CACNG2: variants seen among roughly 807,000 people sequenced by gnomAD.
The protein encoded by CACNG2 is calcium voltage-gated channel auxiliary subunit gamma 2.
CACNG2 carries 3 observed loss-of-function variants against 25.9 expected under a neutral mutation model. That is an observed-to-expected ratio of 0.12 (90% CI 0.05 to 0.30). The LOEUF (loss-of-function observed/expected upper bound fraction) is 0.30. Ranked by LOEUF, CACNG2 falls within the 10% of genes least tolerant of loss-of-function variation. The pLI is 1.00. For missense variants in CACNG2, 341 were observed against 432.5 expected (o/e 0.79, Z 1.88); for synonymous variants, 167 against 173.3 (o/e 0.96, Z 0.29).
intron 1 of CACNG2, among the ~76,000 whole-genome samples, chr22:36,667,165 T>C (rs1198915564): frequency 6.6e-6 from 1 of 152,124 alleles, no homozygotes; most frequent in Non-Finnish European, 1.5e-5. Flanking sequence ...AAGACGGGGT[T>C]TCACCATGTT....
chr22:36,577,999 C>T (rs1320777503), intron 2 of CACNG2, among the ~76,000 whole-genome samples: 1 of 150,326 alleles, frequency 6.7e-6, no homozygotes, highest in Non-Finnish European at 1.5e-5. Context: ...TGGGGCAGGT[C>T]ATTTTCCCTC....
chr22:36,678,930 A>G (rs2145999387), intron 1 of CACNG2, among the ~76,000 whole-genome samples: 1 of 152,216 alleles, frequency 6.6e-6, no homozygotes, highest in African/African-American at 2.4e-5. Flanking sequence ...GGTTTGTGTC[A>G]TTGCTGGAAT....
intron 1 of CACNG2, among the ~76,000 whole-genome samples, chr22:36,679,190 C>CT (rs1203766750): frequency 0.01 from 763 of 73,598 alleles, 15 homozygotes; most frequent in African/African-American, 0.028. Flanking sequence ...TCCTTCCTTC[C>CT]TTCCTTCCTT....
At chr22:36,683,711 T>G (rs1055801951) in intron 1 of CACNG2, among the ~76,000 whole-genome samples, 1 of 152,140 alleles carries the variant, frequency 6.6e-6, no homozygotes, top group African/African-American at 2.4e-5. Context: ...TCCCTGCTGG[T>G]TGACAGGGAG....
At chr22:36,618,912 T>TCC (rs71193248) in intron 1 of CACNG2, among the ~76,000 whole-genome samples, 1 of 125,400 alleles carries the variant, frequency 8.0e-6, no homozygotes, top group South Asian at 2.6e-4. Flanking sequence ...AGAGCGAGAC[T>TCC]GTTTCAAAAA....
At chr22:36,695,907 A>G (rs1399378957) in intron 1 of CACNG2, among the ~76,000 whole-genome samples, 1 of 152,152 alleles carries the variant, frequency 6.6e-6, no homozygotes, top group East Asian at 1.9e-4. Context: ...GAAAGATTTC[A>G]CCAATAAAAT....
intron 1 of CACNG2, among the ~76,000 whole-genome samples, chr22:36,638,494 G>GTC (rs1195440075): frequency 6.6e-6 from 1 of 152,106 alleles, no homozygotes; most frequent in African/African-American, 2.4e-5. Flanking sequence ...GTCTTGCACT[G>GTC]GTGCCTTTGC....
chr22:36,663,706 C>T (rs974668692), intron 1 of CACNG2, among the ~76,000 whole-genome samples: 4 of 152,160 alleles, frequency 2.6e-5, no homozygotes, highest in South Asian at 2.1e-4. Flanking sequence ...CATCCCTGGG[C>T]GCCTCAGATG....
intron 1 of CACNG2, among the ~76,000 whole-genome samples, chr22:36,597,336 C>T (rs1161154807): frequency 6.6e-6 from 1 of 151,896 alleles, no homozygotes; most frequent in Non-Finnish European, 1.5e-5. Flanking sequence ...TTTAGTTCTT[C>T]ACATGTGATT....
intron 1 of CACNG2, among the ~76,000 whole-genome samples, chr22:36,662,883 A>G (rs1450122550): frequency 3.9e-5 from 6 of 151,956 alleles, no homozygotes; most frequent in African/African-American, 1.5e-4. Flanking sequence ...TCTCCATGGG[A>G]CACCTGGTTA....
At chr22:36,580,764 A>T (rs1935402180) in intron 2 of CACNG2, among the ~76,000 whole-genome samples, 1 of 152,132 alleles carries the variant, frequency 6.6e-6, no homozygotes, top group Non-Finnish European at 1.5e-5. Context: ...AGGAAGCCAA[A>T]TTCCTCTGAT....
At chr22:36,587,975 G>A (rs551051242) in intron 1 of CACNG2, among the ~76,000 whole-genome samples, 1 of 152,210 alleles carries the variant, frequency 6.6e-6, no homozygotes, top group African/African-American at 2.4e-5. Flanking sequence ...GACACACCCC[G>A]CACTGGTGCT....
chr22:36,617,816 C>A (rs908271948), intron 1 of CACNG2, among the ~76,000 whole-genome samples: 2 of 150,988 alleles, frequency 1.3e-5, no homozygotes, highest in Admixed American at 1.3e-4. Flanking sequence ...CTAGCTCCTG[C>A]GTTTGAGGAG....
At chr22:36,655,412 C>G (rs534769599) in intron 1 of CACNG2, among the ~76,000 whole-genome samples, 4 of 152,164 alleles carry the variant, frequency 2.6e-5, no homozygotes, top group Non-Finnish European at 4.4e-5. Flanking sequence ...GATGTGCCCA[C>G]CCTAGTTTCT....
intron 1 of CACNG2, among the ~76,000 whole-genome samples, chr22:36,601,983 G>A (rs1385896379): frequency 1.3e-5 from 2 of 152,184 alleles, no homozygotes; most frequent in Middle Eastern, 3.4e-3. Flanking sequence ...GCCGACACTC[G>A]TTATCTCATG....
intron 1 of CACNG2, among the ~76,000 whole-genome samples, chr22:36,701,519 C>G (rs2284018): frequency 6.7e-6 from 1 of 148,176 alleles, no homozygotes; most frequent in African/African-American, 2.5e-5. Context: ...CCACTCCCCC[C>G]TCAACCTCCC....
intron 1 of CACNG2, among the ~76,000 whole-genome samples, chr22:36,595,108 G>GGT (rs921421370): frequency 2.7e-5 from 4 of 148,198 alleles, no homozygotes; most frequent in East Asian, 2.0e-4. Flanking sequence ...TGTGTGCATG[G>GGT]GTGTGTGTGT....
chr22:36,677,478 G>A (rs755025991), intron 1 of CACNG2, among the ~76,000 whole-genome samples: 1 of 152,080 alleles, frequency 6.6e-6, no homozygotes, highest in African/African-American at 2.4e-5. Flanking sequence ...GGGTCAGAGA[G>A]GTCCATATGC....
rs540627371 is a variant in CACNG2, at chr22:36,578,119, T to C, written c.295+9346A>G. Among the ~76,000 whole-genome samples the C allele has an allele frequency of 1.1e-4, 16 of 152,096 alleles. No individual in the cohort carries two copies. The East Asian group carries it at 2.9e-3, about 28-fold the overall frequency. On this transcript the variant is annotated intron_variant, in intron 2 of 3. Coordinates refer to ENST00000300105, the MANE Select transcript of CACNG2 (RefSeq NM_006078.5). ...GCTCACACCTGTCATCCCAGCACTT[T>C]GGGAGGCCAAGGCTGGCAGATCACT... is the stretch of plus-strand genomic sequence containing the variant.
Sources: allele counts gnomAD v4.1 joint callset (sites outside exome capture counted in the v4.1 genomes callset), GRCh38; gene constraint gnomAD v4.1.1; transcripts MANE v1.5; gene names NCBI Gene and HGNC (gene_info 2026-07-23, HGNC 2026-07-21).